ADAM28: variants seen among roughly 807,000 people sequenced by gnomAD.
The protein encoded by ADAM28 is ADAM metallopeptidase domain 28, also known as disintegrin and metalloproteinase domain-containing protein 28.
In ADAM28, 105 loss-of-function variants were observed where a neutral mutation model predicts 101.2. The ratio of observed to expected loss-of-function variants is 1.04; its 90% CI spans 0.89 to 1.22. The LOEUF is 1.22. Ranked by LOEUF, ADAM28 falls within the 50% of genes most tolerant of loss-of-function variation. The pLI is 0.00. For missense variants in ADAM28, 1,028 were observed against 945.4 expected (o/e 1.09, Z -1.15); for synonymous variants, 322 against 310.6 (o/e 1.04, Z -0.39).
chr8:24,347,363 A>C (rs74697057), intron 18 of ADAM28, among the ~76,000 whole-genome samples: 2,204 of 151,920 alleles, frequency 0.015, 59 homozygotes, highest in African/African-American at 0.05. Flanking sequence ...ATATTGAAAA[A>C]ATTGCTGAAT....
At chr8:24,330,240 G>A in intron 11 of ADAM28, 125 bp downstream of exon 11, 1 of 1,174,480 alleles carries the variant, frequency 8.5e-7, no homozygotes, top group East Asian at 2.4e-5. Context: ...GTGCATTTGT[G>A]CCAAGCCACC....
chr8:24,332,716 A>G lies in ADAM28; in HGVS notation c.1338A>G (p.Gln446=). The change falls in exon 13 of 23, where the codon CAA becomes CAG. Residue 446 remains glutamine (Q), a synonymous_variant. Coordinates refer to ENST00000265769, the MANE Select transcript of ADAM28 (RefSeq NM_014265.6). ...AKTCKIKATF[Q]CALGECCEKC... is the part of the protein sequence containing the mutation. ...CATGTAAAATCAAAGCAACTTTTCA[A>G]TGTGCATTAGGAGAATGTTGTGAAA... 1 of 1,521,620 alleles carries G rather than the reference A, an allele frequency of 6.6e-7. No individual in the cohort carries two copies. 94.3% of individuals were successfully genotyped at this position (1,521,620 alleles called of 1,614,324 possible).
intron 1 of ADAM28, among the ~76,000 whole-genome samples, chr8:24,297,977 G>A (rs968382104): frequency 6.6e-6 from 1 of 152,134 alleles, no homozygotes; most frequent in Admixed American, 6.5e-5. Flanking sequence ...AGGAACTGAA[G>A]AACCCCGTGA....
intron 2 of ADAM28, among the ~76,000 whole-genome samples, chr8:24,301,249 G>A (rs983422914): frequency 6.6e-6 from 1 of 152,126 alleles, no homozygotes; most frequent in African/African-American, 2.4e-5. Context: ...TATCAACCAA[G>A]TGGTTTCACT....
rs1816697117 is a variant in ADAM28, at chr8:24,356,538, A to ATTATT, written c.*2139_*2143dup. ...AATGCAGTACAATGACAGGAAAACC[A>ATTATT]TTATTTTATCATAGAACTGCGAACC... On this transcript the variant is annotated 3_prime_UTR_variant, in exon 23 of 23. Coordinates refer to ENST00000265769, the MANE Select transcript of ADAM28 (RefSeq NM_014265.6). 6.6e-6 allele frequency: 1 copy of ATTATT among 152,188 alleles called. No homozygotes were observed. Among genetic ancestry groups the ATTATT allele is most frequent in the Admixed American group, 6.6e-5 (1 of 15,260 alleles). The allele number at this position is 152,188 out of a possible 1,614,324, so 9.4% of individuals were successfully genotyped here. A position where few individuals can be genotyped will look rare whatever the true frequency, so the allele number is the denominator to read the frequency against.
chr8:24,330,878 G>C (rs1239129736), intron 11 of ADAM28, among the ~76,000 whole-genome samples: 1 of 152,110 alleles, frequency 6.6e-6, no homozygotes, highest in Non-Finnish European at 1.5e-5. Context: ...ACATCTCCCA[G>C]ATGATCTAAG....
At chr8:24,325,891 A>AACAAAC (rs1563297048) in intron 9 of ADAM28, among the ~76,000 whole-genome samples, 19 of 144,296 alleles carry the variant, frequency 1.3e-4, no homozygotes, top group Admixed American at 2.8e-4. Context: ...AAAAAAAAAA[A>AACAAAC]AAAAAAAAAC....
chr8:24,358,369 C>G lies in ADAM28; in HGVS notation c.*3965C>G, dbSNP rs1321628858. On this transcript the variant is annotated 3_prime_UTR_variant, in exon 23 of 23. Transcript: ENST00000265769. Reference sequence around the variant, plus strand: ...GCGTAAGCTAAATAATTTGCATACACTAGCATCTGGATGTAATATGGAAAA... The same window carrying G: ...GCGTAAGCTAAATAATTTGCATACAGTAGCATCTGGATGTAATATGGAAAA... 6.6e-6 allele frequency: 1 copy of G among 152,210 alleles called. No homozygotes were observed. Among genetic ancestry groups the G allele is most frequent in the Non-Finnish European group, 1.5e-5 (1 of 68,034 alleles). 9.4% of individuals were successfully genotyped at this position (152,210 alleles called of 1,614,324 possible).
chr8:24,347,689 C>T lies in ADAM28; in HGVS notation c.1991-2175C>T, dbSNP rs568900786. ...TATCAATACTTTTATACTTTGAGAG[C>T]GTATTATTATATACATACAAGTTTA... On this transcript the variant is annotated intron_variant, in intron 18 of 22. Coordinates refer to ENST00000265769, the MANE Select transcript of ADAM28 (RefSeq NM_014265.6). 3.3e-5 allele frequency among the ~76,000 whole-genome samples: 5 copies of T among 152,026 alleles called. No individual in the cohort carries two copies. In the South Asian group the frequency reaches 6.2e-4, roughly 19 times the overall value.
chr8:24,314,961 T>A (rs1585575047), intron 6 of ADAM28, among the ~76,000 whole-genome samples: 2 of 140,828 alleles, frequency 1.4e-5, no homozygotes, highest in Admixed American at 7.0e-5. Context: ...CAAATGATAA[T>A]GAGAAAAGAA....
chr8:24,356,609 A>G lies in ADAM28; in HGVS notation c.*2205A>G, dbSNP rs1816702068. 6.6e-6 allele frequency: 1 copy of G among 152,200 alleles called. No individual in the cohort carries two copies. The highest frequency in any genetic ancestry group is 2.1e-4 in the South Asian group (1 of 4,834). The allele number at this position is 152,200 out of a possible 1,614,324, so 9.4% of individuals were successfully genotyped here. On this transcript the variant is annotated 3_prime_UTR_variant, in exon 23 of 23. Coordinates refer to ENST00000265769, the MANE Select transcript of ADAM28 (RefSeq NM_014265.6). The stretch of plus-strand genomic sequence containing the variant: ...TTTCAGCTCAACTGCAGAATAGTTT[A>G]GAACAGACTTTTTGATTTCACAATA...
At chr8:24,308,598 T>C in intron 2 of ADAM28, 1 of 456,238 alleles carries the variant, frequency 2.2e-6, no homozygotes, top group Non-Finnish European at 4.4e-6. Context: ...AGGTTATGAC[T>C]ATTCTGCATA....
rs546297870 is a variant in ADAM28, at chr8:24,324,231, A to G, written c.890+228A>G. On this transcript the variant is annotated intron_variant, in intron 9 of 22. Coordinates refer to ENST00000265769, the MANE Select transcript of ADAM28 (RefSeq NM_014265.6). Reference sequence around the variant, plus strand: ...AATGTTTGTTTTTATTGGGTATACAAGAAGAAAAGACAAGTTTATATAATG... The same window carrying G: ...AATGTTTGTTTTTATTGGGTATACAGGAAGAAAAGACAAGTTTATATAATG... Among the ~76,000 whole-genome samples the G allele has an allele frequency of 1.2e-4, 19 of 152,114 alleles. No homozygotes were observed. The South Asian group carries it at 3.1e-3, about 25-fold the overall frequency.
chr8:24,326,548 T>C lies in ADAM28; in HGVS notation c.891-6T>C, dbSNP rs1263980533. The C allele has an allele frequency of 1.9e-6, 3 of 1,611,040 alleles. No individual in the cohort carries two copies. The highest frequency in any genetic ancestry group is 2.5e-6 in the Non-Finnish European group (3 of 1,178,042). On this transcript the variant is annotated splice_polypyrimidine_tract_variant and splice_region_variant and intron_variant, in intron 9 of 22. Coordinates refer to ENST00000265769, the MANE Select transcript of ADAM28 (RefSeq NM_014265.6). ...TTTGTTACATCAATTTATTCCTTTCTTGCAGAGCAACAGAACTTGCTGGAA... is the reference window on the plus strand; with the variant it reads ...TTTGTTACATCAATTTATTCCTTTCCTGCAGAGCAACAGAACTTGCTGGAA...
intron 22 of ADAM28, 32 bp downstream of exon 22, chr8:24,353,864 T>C (rs960476855): frequency 7.2e-7 from 1 of 1,394,132 alleles, no homozygotes; most frequent in African/African-American, 1.4e-5. Flanking sequence ...TATTATATTC[T>C]TGTATTATAA....
At chr8:24,311,912 T>A (rs1394532471) in intron 5 of ADAM28, among the ~76,000 whole-genome samples, 1 of 152,126 alleles carries the variant, frequency 6.6e-6, no homozygotes, top group Non-Finnish European at 1.5e-5. Context: ...CTAGGTTTTG[T>A]ATTTTTAATA....
At position 24,358,307 on chromosome 8, in the gene ADAM28, T is replaced by C. The variant is rs1374607377; in HGVS notation, c.*3903T>C. On this transcript the variant is annotated 3_prime_UTR_variant, in exon 23 of 23. Transcript: ENST00000265769. The stretch of plus-strand genomic sequence containing the variant: ...TATTATTATCAGCTTTAATATTGTT[T>C]CATCATATGTCATTGTTCAAAGAAT... 6.6e-6 allele frequency: 1 copy of C among 152,192 alleles called. No individual in the cohort carries two copies. The highest frequency in any genetic ancestry group is 1.9e-4 in the East Asian group (1 of 5,206). The allele number at this position is 152,192 out of a possible 1,614,324, so 9.4% of individuals were successfully genotyped here. A position where few individuals can be genotyped will look rare whatever the true frequency, so the allele number is the denominator to read the frequency against.
Position 24,295,051 on chromosome 8 carries a change from A to G in ADAM28, c.46+856A>G, listed in dbSNP as rs371185189. Among the ~76,000 whole-genome samples, 6 of 152,158 alleles carry G rather than the reference A, an allele frequency of 3.9e-5. No homozygotes were observed. In the South Asian group the frequency reaches 1.0e-3, roughly 26 times the overall value. On this transcript the variant is annotated intron_variant, in intron 1 of 22. Transcript: ENST00000265769. ...GACCTGGGGATGGGAACAGATTATC[A>G]ACTAGAGGTATGGGCTTAGGGAGGG...
chr8:24,306,591 C>T (rs1009412257), intron 2 of ADAM28, among the ~76,000 whole-genome samples: 11 of 151,486 alleles, frequency 7.3e-5, no homozygotes, highest in Non-Finnish European at 1.5e-4. Flanking sequence ...ATATAGGATG[C>T]CCAGTTAAAT....
Sources: gnomAD v4.1 joint callset for allele counts (sites outside exome capture counted in the v4.1 genomes callset) on GRCh38, gnomAD v4.1.1 for gene constraint, MANE v1.5 for transcripts, NCBI Gene and HGNC (gene_info 2026-07-23, HGNC 2026-07-21) for gene names.